The following EPS8 variants were observed in gnomAD, a reference collection of about 807,000 sequenced individuals.
EPS8 encodes EGFR pathway substrate 8, signaling adaptor.
Under a neutral mutation model 103.8 loss-of-function variants are expected in EPS8, and 42 were observed. The ratio of observed to expected loss-of-function variants is 0.40; its 90% CI spans 0.32 to 0.52. The LOEUF is 0.52. Among genes scored for constraint, EPS8 ranks in the 20% least tolerant of loss-of-function variants. The probability of loss-of-function intolerance (pLI) is 0.40; values close to 1 mark genes in which losing one functional copy is unlikely to be tolerated. For synonymous variants in EPS8, 344 were observed against 344.6 expected, an observed-to-expected ratio of 1.00 and a Z score of 0.02; for missense variants, 969 against 1,005.1, an observed-to-expected ratio of 0.96 and a Z score of 0.49.
intron 18 of EPS8, 151 bp downstream of exon 18, chr12:15,631,291 G>T: frequency 1.9e-6 from 2 of 1,074,542 alleles, no homozygotes; most frequent in Non-Finnish European, 2.6e-6. Context: ...CTACGTAGCT[G>T]ATGAGAAACC....
rs1946492020 is a variant in EPS8 at position 15,713,338 on chromosome 12, G to A, written c.-21-30366C>T. The stretch of plus-strand genomic sequence containing the variant: ...CCCACTACAGACACTAAGAAAAGAA[G>A]AAAATAAGTGTAACAAAATTAAATA... On this transcript the variant is annotated intron_variant, in intron 1 of 20. Transcript: ENST00000281172. This position sits in a 1 kb window ranked among gnomAD's most constrained non-coding sequence, Gnocchi z 4.8. 1 of 152,184 alleles carries A rather than the reference G, an allele frequency of 6.6e-6. No individual in the cohort carries two copies. Among genetic ancestry groups the A allele is most frequent in the East Asian group, 1.9e-4 (1 of 5,184 alleles). 9.4% of individuals were successfully genotyped at this position (152,184 alleles called of 1,614,324 possible). A position where few individuals can be genotyped will look rare whatever the true frequency, so the allele number is the denominator to read the frequency against.
chr12:15,695,374 CCCAT>C lies in EPS8; in HGVS notation c.-21-12406_-21-12403del, dbSNP rs374241062. 6.8e-4 allele frequency among the ~76,000 whole-genome samples: 103 copies of C among 152,294 alleles called. 1 individual carries two copies. Among genetic ancestry groups the C allele is most frequent in the African/African-American group, 2.4e-3 (99 of 41,554 alleles). ...ATAATTACTACGTAACCAGAATGTG[CCCAT>C]CAGTGCTCTCGCACAGTCCCATACA... On this transcript the variant is annotated intron_variant, in intron 1 of 20. Transcript: ENST00000281172. The surrounding 1 kb of genome is among the most constrained non-coding windows in gnomAD (Gnocchi z 5.0).
At position 15,646,519 on chromosome 12, in the gene EPS8, A is replaced by C. The variant is rs4764217; in HGVS notation, c.1568+608T>G. ...AAACAAGATTGGAAATTAAAAAAAA[A>C]GAACTTATTCCAGTTCCTTTATTTC... On this transcript the variant is annotated intron_variant, in intron 15 of 20. Transcript: ENST00000281172. Among the ~76,000 whole-genome samples the C allele has an allele frequency of 3.3e-3, 507 of 152,292 alleles. 5 individuals are homozygous for C. The highest frequency in any genetic ancestry group is 5.9e-3 in the Non-Finnish European group (404 of 68,022).
rs1441139869 is a variant in EPS8, at chr12:15,731,924, T to A, written c.-21-48952A>T. Among the ~76,000 whole-genome samples the A allele has an allele frequency of 6.6e-6, 1 of 152,124 alleles. No individual in the cohort carries two copies. Among genetic ancestry groups the A allele is most frequent in the African/African-American group, 2.4e-5 (1 of 41,414 alleles). ...CTATATATATCTGTTCCTTAAAATCTGATTTCAGGATGGAATTTTTTCATT... is the reference window on the plus strand; with the variant it reads ...CTATATATATCTGTTCCTTAAAATCAGATTTCAGGATGGAATTTTTTCATT... On this transcript the variant is annotated intron_variant, in intron 1 of 20. Coordinates refer to ENST00000281172, the MANE Select transcript of EPS8 (RefSeq NM_004447.6). The surrounding 1 kb of genome is among the most constrained non-coding windows in gnomAD (Gnocchi z 5.1).
intron 2 of EPS8, among the ~76,000 whole-genome samples, chr12:15,682,046 A>G (rs377599301): frequency 6.6e-6 from 1 of 152,276 alleles, no homozygotes; most frequent in South Asian, 2.1e-4. Flanking sequence ...CTTCATCAAC[A>G]TATCTAAGAA....
chr12:15,680,345 CAAT>C (rs1210569249), intron 3 of EPS8, among the ~76,000 whole-genome samples: 1 of 152,044 alleles, frequency 6.6e-6, no homozygotes, highest in East Asian at 1.9e-4. Flanking sequence ...ATAATATCAA[CAAT>C]AATAATAGCA....
chr12:15,630,328 G>A (rs984441848), intron 18 of EPS8, among the ~76,000 whole-genome samples: 4 of 152,022 alleles, frequency 2.6e-5, no homozygotes, highest in African/African-American at 7.2e-5. Context: ...TATAGGTAAA[G>A]CCAAGTAACT....
At chr12:15,705,567 TTAAC>T (rs919305717) in intron 1 of EPS8, among the ~76,000 whole-genome samples, 5 of 152,222 alleles carry the variant, frequency 3.3e-5, no homozygotes, top group African/African-American at 1.2e-4. Flanking sequence ...GTTTTCATAA[TTAAC>T]TAATCCATTA....
intron 8 of EPS8, chr12:15,665,408 T>C (rs1180084094): frequency 2.2e-5 from 5 of 232,486 alleles, no homozygotes; most frequent in Non-Finnish European, 3.3e-5. Flanking sequence ...CTCAGCTTAC[T>C]GCAACCTCCG....
At chr12:15,765,103 A>T (rs1455166972) in intron 1 of EPS8, among the ~76,000 whole-genome samples, 2 of 152,188 alleles carry the variant, frequency 1.3e-5, no homozygotes, top group Non-Finnish European at 2.9e-5. Context: ...TCCAAACAAA[A>T]AGGAGCAGAG....
rs1839668008 is a variant in EPS8 at position 15,721,803 on chromosome 12, T to A, written c.-21-38831A>T. On this transcript the variant is annotated intron_variant, in intron 1 of 20. Coordinates refer to ENST00000281172, the MANE Select transcript of EPS8 (RefSeq NM_004447.6). This position sits in a 1 kb window ranked among gnomAD's most constrained non-coding sequence, Gnocchi z 4.4. ...CACCAAATATCAGACTTTTTAAAAT[T>A]TTTATTATATATTATAAATATTATT... is the stretch of plus-strand genomic sequence containing the variant. Among the ~76,000 whole-genome samples, 1 of 151,650 alleles carries A rather than the reference T, an allele frequency of 6.6e-6. No homozygotes were observed. The highest frequency in any genetic ancestry group is 2.4e-5 in the African/African-American group (1 of 41,388).
rs924713462 is a variant in EPS8 at position 15,695,437 on chromosome 12, C to G, written c.-21-12465G>C. On this transcript the variant is annotated intron_variant, in intron 1 of 20. Coordinates refer to ENST00000281172, the MANE Select transcript of EPS8 (RefSeq NM_004447.6). The surrounding 1 kb of genome is among the most constrained non-coding windows in gnomAD (Gnocchi z 5.0). ...GAATAATAGAAATGCACTATATTAG[C>G]ACTGCTCAATACAGTAGCTGAGCAC... 5.9e-5 allele frequency among the ~76,000 whole-genome samples: 9 copies of G among 152,198 alleles called. No homozygotes were observed. Among genetic ancestry groups the G allele is most frequent in the Admixed American group, 1.3e-4 (2 of 15,282 alleles).
chr12:15,692,296 A>C (rs1428082948), intron 1 of EPS8, among the ~76,000 whole-genome samples: 1 of 150,626 alleles, frequency 6.6e-6, no homozygotes, highest in East Asian at 2.0e-4. Context: ...CTTGGTTTCA[A>C]ATTGTAGATT....
intron 17 of EPS8, among the ~76,000 whole-genome samples, chr12:15,638,599 A>G (rs568733982): frequency 1.3e-5 from 2 of 152,362 alleles, no homozygotes; most frequent in Non-Finnish European, 2.9e-5. Context: ...GATAGTGTTG[A>G]AAAGTTTAAA....
At chr12:15,654,077 A>G (rs1945464206) in intron 13 of EPS8, 68 bp downstream of exon 13, 4 of 1,437,126 alleles carry the variant, frequency 2.8e-6, no homozygotes, top group African/African-American at 1.4e-5. Context: ...GGTTAAATAA[A>G]TGTCTCATTA....
In EPS8 at chr12:15,778,210, A is replaced by G. The variant is rs1231300869; in HGVS notation, c.-22+10951T>C. Among the ~76,000 whole-genome samples, 1 of 152,222 alleles carries G rather than the reference A, an allele frequency of 6.6e-6. No homozygotes were observed. ...TTTAAGCAAATCTGAGAATTAATGC[A>G]CACGAAAATCTTCAGAGGGTGATTT... On this transcript the variant is annotated intron_variant, in intron 1 of 20. Coordinates refer to ENST00000281172, the MANE Select transcript of EPS8 (RefSeq NM_004447.6). This position sits in a 1 kb window ranked among gnomAD's most constrained non-coding sequence, Gnocchi z 4.5.
At chr12:15,678,890 G>A (rs1243953729) in intron 3 of EPS8, among the ~76,000 whole-genome samples, 1 of 146,470 alleles carries the variant, frequency 6.8e-6, no homozygotes, top group East Asian at 2.0e-4. Context: ...CTCTAGCTTG[G>A]GCAACAGAGT....
chr12:15,667,397 T>C (rs1483091736), intron 6 of EPS8, among the ~76,000 whole-genome samples: 2 of 152,160 alleles, frequency 1.3e-5, no homozygotes, highest in African/African-American at 2.4e-5. Context: ...CATTGCTAGT[T>C]AAATGAGAGG....
At chr12:15,667,863 G>A (rs544060943) in intron 6 of EPS8, among the ~76,000 whole-genome samples, 2 of 152,172 alleles carry the variant, frequency 1.3e-5, no homozygotes, top group Admixed American at 1.3e-4. Context: ...ACTATATTCA[G>A]TAAATACATT....
Sources: allele counts gnomAD v4.1 joint callset (sites outside exome capture counted in the v4.1 genomes callset), GRCh38; gene constraint gnomAD v4.1.1; non-coding constraint Gnocchi (gnomAD v3.1); transcripts MANE v1.5; gene names NCBI Gene and HGNC (gene_info 2026-07-23, HGNC 2026-07-21).